The following PPP2R3A variants were observed in gnomAD, a reference collection of about 807,000 sequenced individuals.
PPP2R3A encodes serine/threonine-protein phosphatase 2A regulatory subunit B'' subunit alpha.
PPP2R3A carries 80 observed loss-of-function variants against 106.9 expected under a neutral mutation model. The ratio of observed to expected loss-of-function variants is 0.75; its 90% CI spans 0.62 to 0.90. The LOEUF is 0.90. Ranked by LOEUF, PPP2R3A falls within the 40% of genes least tolerant of loss-of-function variation. The pLI is 0.00. For synonymous variants in PPP2R3A, 483 were observed against 468.3 expected (o/e 1.03, Z -0.41); for missense variants, 1,386 against 1,350.4 (o/e 1.03, Z -0.41).
chr3:136,125,053 G>A (rs1220631622), intron 13 of PPP2R3A, among the ~76,000 whole-genome samples: 10 of 152,182 alleles, frequency 6.6e-5, no homozygotes, highest in Admixed American at 6.5e-4. Context: ...AGGCATGGTG[G>A]CTCACACCTG....
intron 13 of PPP2R3A, among the ~76,000 whole-genome samples, chr3:136,118,081 A>T (rs924619850): frequency 2.0e-5 from 3 of 152,174 alleles, no homozygotes; most frequent in Admixed American, 6.5e-5. Flanking sequence ...CATATGCAAA[A>T]CAGTAAATGT....
chr3:136,128,975 AC>A (rs752992935), intron 13 of PPP2R3A, among the ~76,000 whole-genome samples: 2 of 152,310 alleles, frequency 1.3e-5, no homozygotes, highest in Non-Finnish European at 2.9e-5. Flanking sequence ...ACCAATGAGA[AC>A]AAAGGCACAA....
intron 3 of PPP2R3A, among the ~76,000 whole-genome samples, chr3:136,030,314 A>T (rs1354247561): frequency 6.9e-6 from 1 of 144,014 alleles, no homozygotes; most frequent in Non-Finnish European, 1.6e-5. Context: ...TGAGTGTGTC[A>T]GTTTGTTTTT....
At chr3:135,971,579 T>C (rs753108634) in intron 1 of PPP2R3A, among the ~76,000 whole-genome samples, 5 of 152,246 alleles carry the variant, frequency 3.3e-5, no homozygotes, top group Non-Finnish European at 7.3e-5. Flanking sequence ...CTCATTGCTA[T>C]ACTCTTGAAA....
intron 3 of PPP2R3A, among the ~76,000 whole-genome samples, chr3:136,032,691 T>C (rs1156814497): frequency 3.3e-5 from 5 of 151,836 alleles, no homozygotes; most frequent in Non-Finnish European, 5.9e-5. Flanking sequence ...CCCACCACCA[T>C]GCCCAGCTAA....
At chr3:135,969,245 G>C (rs1353948651) in intron 1 of PPP2R3A, among the ~76,000 whole-genome samples, 1 of 152,130 alleles carries the variant, frequency 6.6e-6, no homozygotes, top group East Asian at 1.9e-4. Context: ...TAAGGTTACT[G>C]TGGATAACAT....
At chr3:136,014,288 T>G (rs1481078786) in intron 2 of PPP2R3A, among the ~76,000 whole-genome samples, 1 of 152,188 alleles carries the variant, frequency 6.6e-6, no homozygotes, top group Non-Finnish European at 1.5e-5. Flanking sequence ...TAGTCTTGCT[T>G]TGGCTATGTG....
chr3:136,064,003 A>G (rs1936173655), intron 5 of PPP2R3A, among the ~76,000 whole-genome samples: 1 of 151,362 alleles, frequency 6.6e-6, no homozygotes, highest in Non-Finnish European at 1.5e-5. Context: ...AATAGCAAAG[A>G]CTTGGAACCA....
At position 136,119,340 on chromosome 3, in the gene PPP2R3A, C is replaced by CA. The variant is rs565565526; in HGVS notation, c.3329+13020dup. Among the ~76,000 whole-genome samples, 12 of 152,260 alleles carry CA rather than the reference C, an allele frequency of 7.9e-5. No individual in the cohort carries two copies. The East Asian group carries it at 1.9e-3, about 24-fold the overall frequency. ...GACTTCATGTCTAAAACACCAAAAG[C>CA]AATGGCAACAAAAGCCAAAATTGAC... On this transcript the variant is annotated intron_variant, in intron 13 of 13. Coordinates refer to ENST00000264977, the MANE Select transcript of PPP2R3A (RefSeq NM_002718.5).
At chr3:136,094,604 C>T (rs1036346017) in intron 10 of PPP2R3A, among the ~76,000 whole-genome samples, 2 of 152,184 alleles carry the variant, frequency 1.3e-5, no homozygotes, top group Admixed American at 1.3e-4. Context: ...ATAACGTATA[C>T]ATACACAGAT....
intron 1 of PPP2R3A, among the ~76,000 whole-genome samples, chr3:135,979,459 T>A (rs541670709): frequency 3.3e-5 from 5 of 151,974 alleles, no homozygotes; most frequent in South Asian, 2.1e-4. Context: ...TTGTACTGAT[T>A]GATGTCCGAT....
chr3:136,059,916 G>T (rs1403445370), intron 5 of PPP2R3A, among the ~76,000 whole-genome samples: 1 of 152,172 alleles, frequency 6.6e-6, no homozygotes, highest in Non-Finnish European at 1.5e-5. Context: ...ACTTATAAGT[G>T]GGAGCTAAAT....
chr3:135,966,036 T>TCGGTGCGGTG (rs761032303), intron 1 of PPP2R3A, among the ~76,000 whole-genome samples, 187 bp downstream of exon 1: 5 of 151,532 alleles, frequency 3.3e-5, no homozygotes, highest in African/African-American at 4.8e-5. Context: ...GGAATTCCAG[T>TCGGTGCGGTG]CGGTGCGGTG....
At position 135,983,839 on chromosome 3, in the gene PPP2R3A, C is replaced by A. The variant is rs571743987; in HGVS notation, c.-440-17220C>A. On this transcript the variant is annotated intron_variant, in intron 1 of 13. Transcript: ENST00000264977. ...AAGCTCATTGTTTTAAGTATACTTA[C>A]AAAGTTTGACAACAAACTTATAGCC... is the stretch of plus-strand genomic sequence containing the variant. Among the ~76,000 whole-genome samples the A allele has an allele frequency of 5.3e-5, 8 of 152,312 alleles. No homozygotes were observed. The South Asian group carries it at 1.7e-3, about 32-fold the overall frequency.
intron 1 of PPP2R3A, among the ~76,000 whole-genome samples, chr3:135,981,580 T>C (rs1299526177): frequency 6.6e-6 from 1 of 151,872 alleles, no homozygotes; most frequent in Non-Finnish European, 1.5e-5. Flanking sequence ...TCTTCCTTCA[T>C]TGAGTACTTA....
intron 7 of PPP2R3A, among the ~76,000 whole-genome samples, chr3:136,079,581 G>C (rs972236376): frequency 1.3e-5 from 2 of 151,450 alleles, no homozygotes; most frequent in Non-Finnish European, 2.9e-5. Context: ...GCTCATTTTT[G>C]TATTTTTAGT....
intron 13 of PPP2R3A, among the ~76,000 whole-genome samples, chr3:136,128,161 C>T (rs1363112995): frequency 6.6e-6 from 1 of 152,070 alleles, no homozygotes; most frequent in Non-Finnish European, 1.5e-5. Flanking sequence ...TCACACATAA[C>T]AGTATTAACC....
intron 1 of PPP2R3A, among the ~76,000 whole-genome samples, chr3:135,984,233 G>T (rs1937576248): frequency 6.6e-6 from 1 of 152,086 alleles, no homozygotes; most frequent in African/African-American, 2.4e-5. Flanking sequence ...GACTACCCCA[G>T]CTCCTTTAGC....
At chr3:136,056,644 G>A (rs971716811) in intron 5 of PPP2R3A, among the ~76,000 whole-genome samples, 2 of 151,920 alleles carry the variant, frequency 1.3e-5, no homozygotes, top group Admixed American at 6.6e-5. Context: ...AAACATAGGG[G>A]TAAGGCTGCG....
Sources: gnomAD v4.1 joint callset for allele counts (sites outside exome capture counted in the v4.1 genomes callset) on GRCh38, gnomAD v4.1.1 for gene constraint, MANE v1.5 for transcripts, NCBI Gene and HGNC (gene_info 2026-07-23, HGNC 2026-07-21) for gene names.